ZNF804B: variants seen among roughly 807,000 people sequenced by gnomAD.
The protein encoded by ZNF804B is zinc finger 804B.
ZNF804B carries 80 observed loss-of-function variants against 101.4 expected under a neutral mutation model. The observed-to-expected ratio is 0.79, with a 90% confidence interval of 0.66 to 0.95. ZNF804B has a LOEUF of 0.95. Ranked by LOEUF, ZNF804B falls within the 40% of genes least tolerant of loss-of-function variation. ZNF804B has a pLI of 0.00. For synonymous variants in ZNF804B, 622 were observed against 558.8 expected (o/e 1.11, Z -1.59); for missense variants, 1,673 against 1,561.9 (o/e 1.07, Z -1.20).
intron 1 of ZNF804B, among the ~76,000 whole-genome samples, chr7:88,938,031 A>G (rs1792998893): frequency 6.6e-6 from 1 of 152,070 alleles, no homozygotes; most frequent in Non-Finnish European, 1.5e-5. Flanking sequence ...TACATTTTAG[A>G]GAGCATGAGA....
At chr7:88,878,859 TA>T (rs1791990691) in intron 1 of ZNF804B, among the ~76,000 whole-genome samples, 4 of 152,224 alleles carry the variant, frequency 2.6e-5, no homozygotes, top group Admixed American at 2.6e-4. Flanking sequence ...ATTTGTTGTC[TA>T]CACCATCTTC....
At chr7:88,770,975 T>A (rs553220495) in intron 1 of ZNF804B, among the ~76,000 whole-genome samples, 1 of 152,294 alleles carries the variant, frequency 6.6e-6, no homozygotes, top group South Asian at 2.1e-4. Flanking sequence ...GTAGTGCAGG[T>A]TTGAAATATA....
At chr7:88,856,062 G>A (rs1415970593) in intron 1 of ZNF804B, among the ~76,000 whole-genome samples, 1 of 152,076 alleles carries the variant, frequency 6.6e-6, no homozygotes, top group Non-Finnish European at 1.5e-5. Context: ...TTGTTCTTTT[G>A]GCTTAGGATT....
At chr7:89,023,448 G>A (rs1268129653) in intron 1 of ZNF804B, among the ~76,000 whole-genome samples, 1 of 152,102 alleles carries the variant, frequency 6.6e-6, no homozygotes, top group Middle Eastern at 3.2e-3. Context: ...TTGCTCTGTT[G>A]GTGGTATAGA....
intron 1 of ZNF804B, among the ~76,000 whole-genome samples, chr7:89,030,078 A>G (rs1788806741): frequency 6.6e-6 from 1 of 152,172 alleles, no homozygotes; most frequent in Non-Finnish European, 1.5e-5. Context: ...AAGGAGGTGC[A>G]GAAGGAAGTC....
rs1159681068 is a variant in ZNF804B, at chr7:89,334,726, C to A, written c.1744C>A (p.Leu582Ile). 6 of 1,613,756 alleles carry A rather than the reference C, an allele frequency of 3.7e-6. No homozygotes were observed. Among genetic ancestry groups the A allele is most frequent in the Non-Finnish European group, 5.1e-6 (6 of 1,179,854 alleles). ...GGAAATGAAAAATCCTAAAGTGCCTCTTTACCTCAACACATCTCTAAAGGA... is the reference window on the plus strand; with the variant it reads ...GGAAATGAAAAATCCTAAAGTGCCTATTTACCTCAACACATCTCTAAAGGA... Reference protein sequence around the residue: ...DLEMKNPKVPLYLNTSLKDCA... With the variant: ...DLEMKNPKVPIYLNTSLKDCA... Residue 582 changes from leucine (L) to isoleucine (I), a missense_variant, in exon 4 of 4, where the codon CTT becomes ATT. Physicochemically the swap from Leu to Ile is conservative, Grantham distance 5. Transcript: ENST00000333190.
chr7:89,228,079 C>A (rs1355644887), intron 2 of ZNF804B, among the ~76,000 whole-genome samples: 1 of 152,112 alleles, frequency 6.6e-6, no homozygotes, highest in Non-Finnish European at 1.5e-5. Flanking sequence ...GTGAGTGTTA[C>A]AGCTCTTAAG....
chr7:89,332,033 TTATG>T (rs1790992604), intron 3 of ZNF804B, among the ~76,000 whole-genome samples: 1 of 151,260 alleles, frequency 6.6e-6, no homozygotes, highest in Non-Finnish European at 1.5e-5. Flanking sequence ...TATATACTCT[TTATG>T]TAACAAATCT....
chr7:89,118,056 A>T (rs189054090), intron 1 of ZNF804B, among the ~76,000 whole-genome samples: 1 of 152,300 alleles, frequency 6.6e-6, no homozygotes, highest in African/African-American at 2.4e-5. Flanking sequence ...AAGCACAATC[A>T]AGGAACAGCT....
At position 89,336,224 on chromosome 7, in the gene ZNF804B, A is replaced by G; in HGVS notation, c.3242A>G (p.Lys1081Arg). Residue 1081 changes from lysine (K) to arginine (R), a missense_variant, in exon 4 of 4, where the codon AAA (lysine) becomes AGA (arginine). Coordinates refer to ENST00000333190, the MANE Select transcript of ZNF804B (RefSeq NM_181646.5). ...NEFPGAFPSN[K>R]YTGVTDSTET... is the part of the protein sequence containing the mutation. ...TTCCCTGGTGCTTTTCCGTCTAATA[A>G]ATATACTGGTGTGACTGATTCAACA... is the stretch of plus-strand genomic sequence containing the variant. 6.2e-7 allele frequency: 1 copy of G among 1,613,864 alleles called. No individual in the cohort carries two copies. The highest frequency in any genetic ancestry group is 8.5e-7 in the Non-Finnish European group (1 of 1,179,962).
In ZNF804B at chr7:89,324,087, G is replaced by A. The variant is rs577765728; in HGVS notation, c.250-3257G>A. 6.0e-5 allele frequency among the ~76,000 whole-genome samples: 9 copies of A among 151,194 alleles called. No homozygotes were observed. In the East Asian group the frequency reaches 1.5e-3, roughly 26 times the overall value. ...TTTTCATCATACAAAGACACTTTTG[G>A]AAGGGTCTTTTATAAGAGATACAAT... On this transcript the variant is annotated intron_variant, in intron 2 of 3. Coordinates refer to ENST00000333190, the MANE Select transcript of ZNF804B (RefSeq NM_181646.5).
chr7:89,165,746 C>A (rs2116426117), intron 1 of ZNF804B, among the ~76,000 whole-genome samples: 1 of 152,038 alleles, frequency 6.6e-6, no homozygotes, highest in East Asian at 1.9e-4. Flanking sequence ...ACTCCGGGAA[C>A]CAGAATTAAA....
chr7:89,047,021 G>A (rs913067518), intron 1 of ZNF804B, among the ~76,000 whole-genome samples: 13 of 151,624 alleles, frequency 8.6e-5, no homozygotes, highest in African/African-American at 2.4e-5. Flanking sequence ...TATTCCTTAG[G>A]GCAGATAATT....
At chr7:89,112,902 T>G (rs1287803547) in intron 1 of ZNF804B, among the ~76,000 whole-genome samples, 1 of 152,204 alleles carries the variant, frequency 6.6e-6, no homozygotes. Flanking sequence ...ATTTAGAATT[T>G]GAATTGCCAA....
At chr7:88,821,047 A>C (rs1790973308) in intron 1 of ZNF804B, among the ~76,000 whole-genome samples, 1 of 152,172 alleles carries the variant, frequency 6.6e-6, no homozygotes. Context: ...GGTATCTCTA[A>C]ATCATTGTCA....
At chr7:88,845,822 T>A (rs961298565) in intron 1 of ZNF804B, among the ~76,000 whole-genome samples, 1 of 152,196 alleles carries the variant, frequency 6.6e-6, no homozygotes, top group Admixed American at 6.5e-5. Flanking sequence ...TGAGAGGCCC[T>A]CAAAGTTGGG....
At chr7:88,775,565 A>G (rs1790129355) in intron 1 of ZNF804B, among the ~76,000 whole-genome samples, 1 of 152,184 alleles carries the variant, frequency 6.6e-6, no homozygotes, top group African/African-American at 2.4e-5. Flanking sequence ...TGTTTTTATT[A>G]TTTGGAACAA....
At position 89,223,593 on chromosome 7, in the gene ZNF804B, A is replaced by G. The variant is rs1417419381; in HGVS notation, c.249+5298A>G. Among the ~76,000 whole-genome samples the G allele has an allele frequency of 4.4e-5, 6 of 137,810 alleles. No homozygotes were observed. The Admixed American group carries it at 4.4e-4, about 10-fold the overall frequency. The allele number at this position is 137,810 out of a possible 152,430, so 90.4% of individuals were successfully genotyped here. On this transcript the variant is annotated intron_variant, in intron 2 of 3. Coordinates refer to ENST00000333190, the MANE Select transcript of ZNF804B (RefSeq NM_181646.5). ...TTTAAAAATATTTTTCTATAATTTGAATAAAAATTAAGATTATTTATTTAT... is the reference window on the plus strand; with the variant it reads ...TTTAAAAATATTTTTCTATAATTTGGATAAAAATTAAGATTATTTATTTAT...
intron 2 of ZNF804B, among the ~76,000 whole-genome samples, chr7:89,323,232 A>T (rs1790846952): frequency 6.6e-6 from 1 of 152,210 alleles, no homozygotes; most frequent in South Asian, 2.1e-4. Context: ...AACTGTTAGA[A>T]ATAAATGTTT....
Sources: allele counts gnomAD v4.1 joint callset (sites outside exome capture counted in the v4.1 genomes callset), GRCh38; gene constraint gnomAD v4.1.1; transcripts MANE v1.5; gene names NCBI Gene and HGNC (gene_info 2026-07-23, HGNC 2026-07-21).